ADAMTS18: variants seen among roughly 807,000 people sequenced by gnomAD.
ADAMTS18 encodes the protein ADAM metallopeptidase with thrombospondin type 1 motif 18.
Under a neutral mutation model 165.9 loss-of-function variants are expected in ADAMTS18, and 157 were observed. The ratio of observed to expected loss-of-function variants is 0.95; its 90% CI spans 0.83 to 1.08. The LOEUF is 1.08. Ranked by LOEUF, ADAMTS18 falls within the 50% of genes least tolerant of loss-of-function variation. ADAMTS18 has a pLI of 0.00. For synonymous variants in ADAMTS18, 782 were observed against 578.2 expected (o/e 1.35, Z -5.06); for missense variants, 2,040 against 1,534.0 (o/e 1.33, Z -5.51).
intron 12 of ADAMTS18, among the ~76,000 whole-genome samples, chr16:77,334,102 A>ATATACAGTGTTATATATTATATAT (rs2056240749): frequency 1.0e-5 from 1 of 97,580 alleles, no homozygotes; most frequent in African/African-American, 3.8e-5. Context: ...ATTATATATA[A>ATATACAGTGTTATATATTATATAT]TATATAGTGT....
chr16:77,292,677 G>T (rs140601737), intron 20 of ADAMTS18, among the ~76,000 whole-genome samples: 7 of 152,352 alleles, frequency 4.6e-5, no homozygotes, highest in African/African-American at 1.7e-4. Flanking sequence ...CTTGATCAAT[G>T]TGGGGGTGCT....
rs1198140313 is a variant in ADAMTS18, at chr16:77,367,437, A to C, written c.778+4T>G. ...ACAGAAAAAGAAAAAGTTTCCTTAC[A>C]TACATTTCTTGCGTCGTCCACAAAA... On this transcript the variant is annotated splice_donor_region_variant and intron_variant, in intron 4 of 22. Coordinates refer to ENST00000282849, the MANE Select transcript of ADAMTS18 (RefSeq NM_199355.4). 3 of 1,614,056 alleles carry C rather than the reference A, an allele frequency of 1.9e-6. No individual in the cohort carries two copies. Among genetic ancestry groups the C allele is most frequent in the African/African-American group, 2.7e-5 (2 of 74,922 alleles).
Position 77,314,753 on chromosome 16 carries a change from CATATATAT to C in ADAMTS18, c.2532+5088_2532+5095del, listed in dbSNP as rs36191323. Among the ~76,000 whole-genome samples the C allele has an allele frequency of 1.3e-3, 47 of 36,912 alleles. 6 individuals are homozygous for C. The highest frequency in any genetic ancestry group is 3.2e-3 in the East Asian group (5 of 1,540). 24.2% of individuals were successfully genotyped at this position (36,912 alleles called of 152,430 possible). A position where few individuals can be genotyped will look rare whatever the true frequency, so the allele number is the denominator to read the frequency against. On this transcript the variant is annotated intron_variant, in intron 16 of 22. Transcript: ENST00000282849. ...GTTTGCTAAATATGGTCTCAGGTTT[CATATATAT>C]ATATATATATATATATATATATATA...
At position 77,314,779 on chromosome 16, in the gene ADAMTS18, TATATATAA is replaced by T. The variant is rs1453630761; in HGVS notation, c.2532+5062_2532+5069del. Among the ~76,000 whole-genome samples the T allele has an allele frequency of 7.9e-3, 702 of 88,324 alleles. 122 individuals are homozygous for T. The highest frequency in any genetic ancestry group is 0.013 in the Non-Finnish European group (540 of 43,158). The allele number at this position is 88,324 out of a possible 152,430, so 57.9% of individuals were successfully genotyped here. ...ATATATATATATATATATATATATA[TATATATAA>T]AATATATGTGATATGCTCAGAAGGC... On this transcript the variant is annotated intron_variant, in intron 16 of 22. Transcript: ENST00000282849.
intron 3 of ADAMTS18, among the ~76,000 whole-genome samples, chr16:77,394,421 A>G (rs1372093014): frequency 1.3e-5 from 2 of 152,182 alleles, no homozygotes; most frequent in Non-Finnish European, 2.9e-5. Context: ...GGGGGCCGGC[A>G]TGAGGATTAG....
At chr16:77,420,844 G>C (rs753508247) in intron 3 of ADAMTS18, among the ~76,000 whole-genome samples, 4 of 152,156 alleles carry the variant, frequency 2.6e-5, no homozygotes, top group Non-Finnish European at 4.4e-5. Context: ...AATTAATTTT[G>C]AGTAACACTT....
intron 12 of ADAMTS18, among the ~76,000 whole-genome samples, chr16:77,334,534 T>C (rs1415277416): frequency 5.3e-5 from 6 of 112,586 alleles, no homozygotes; most frequent in Admixed American, 1.1e-4. Flanking sequence ...ATAGTATATA[T>C]ACTGGATATT....
chr16:77,355,778 C>T (rs1425958228), intron 9 of ADAMTS18, among the ~76,000 whole-genome samples, 162 bp downstream of exon 9: 2 of 152,096 alleles, frequency 1.3e-5, no homozygotes, highest in African/African-American at 4.8e-5. Flanking sequence ...CTATTTTTTT[C>T]AACAATGTCA....
intron 22 of ADAMTS18, among the ~76,000 whole-genome samples, chr16:77,286,916 A>T (rs1186957066): frequency 6.6e-6 from 1 of 152,176 alleles, no homozygotes; most frequent in East Asian, 1.9e-4. Context: ...GGCTTCCCCA[A>T]GGTGGAGATC....
chr16:77,425,772 G>A (rs114520493), intron 3 of ADAMTS18, among the ~76,000 whole-genome samples: 1,791 of 152,218 alleles, frequency 0.012, 48 homozygotes, highest in African/African-American at 0.041. Context: ...GCCGGGCACG[G>A]TGGCTCACAC....
intron 12 of ADAMTS18, among the ~76,000 whole-genome samples, chr16:77,334,210 ACAGT>A (rs1487807465): frequency 5.5e-5 from 3 of 54,780 alleles, no homozygotes; most frequent in Non-Finnish European, 1.1e-4. Context: ...CATATAATAT[ACAGT>A]GTTATATATT....
intron 12 of ADAMTS18, among the ~76,000 whole-genome samples, chr16:77,334,112 T>C (rs1472335105): frequency 9.2e-5 from 10 of 108,452 alleles, no homozygotes; most frequent in African/African-American, 2.6e-4. Context: ...ATATATAGTG[T>C]TATATATTAT....
At chr16:77,314,785 T>TATATATATATATATATAA (rs1430439608) in intron 16 of ADAMTS18, among the ~76,000 whole-genome samples, 1 of 87,110 alleles carries the variant, frequency 1.1e-5, no homozygotes, top group East Asian at 3.0e-4. Context: ...TATATATATA[T>TATATATATATATATATAA]AAAATATATG....
intron 5 of ADAMTS18, 24 bp from the exon 6 acceptor site, chr16:77,363,909 C>A (rs1470491790): frequency 2.4e-5 from 38 of 1,610,208 alleles, no homozygotes; most frequent in African/African-American, 4.0e-5. Context: ...GGAAATCAAA[C>A]AAAATCTCAA....
At chr16:77,322,227 C>A in intron 14 of ADAMTS18, 109 bp downstream of exon 14, 1 of 1,378,860 alleles carries the variant, frequency 7.3e-7, no homozygotes. Flanking sequence ...CGCTCCATGC[C>A]ACCTGCTCTT....
At chr16:77,359,089 C>T (rs1161392154) in intron 8 of ADAMTS18, among the ~76,000 whole-genome samples, 1 of 152,206 alleles carries the variant, frequency 6.6e-6, no homozygotes, top group Admixed American at 6.5e-5. Context: ...GAGACCCCAT[C>T]TGTGCACACG....
chr16:77,382,584 C>T (rs574090837), intron 3 of ADAMTS18, among the ~76,000 whole-genome samples: 1 of 151,978 alleles, frequency 6.6e-6, no homozygotes, highest in African/African-American at 2.4e-5. Context: ...AAGACTTTCT[C>T]AATCTAGGGA....
chr16:77,402,047 A>C (rs2057338515), intron 3 of ADAMTS18, among the ~76,000 whole-genome samples: 1 of 152,140 alleles, frequency 6.6e-6, no homozygotes, highest in African/African-American at 2.4e-5. Flanking sequence ...ATATTGTGGA[A>C]ATTTTCAGCT....
chr16:77,317,891 A>G (rs2055916214), intron 16 of ADAMTS18, among the ~76,000 whole-genome samples: 1 of 151,770 alleles, frequency 6.6e-6, no homozygotes, highest in Non-Finnish European at 1.5e-5. Flanking sequence ...CAGTTTAGAC[A>G]GAAGAAGTAG....
Sources: allele counts gnomAD v4.1 joint callset (sites outside exome capture counted in the v4.1 genomes callset), GRCh38; gene constraint gnomAD v4.1.1; transcripts MANE v1.5; gene names NCBI Gene and HGNC (gene_info 2026-07-23, HGNC 2026-07-21).